The following ASIC2 variants were observed in gnomAD, a reference collection of about 807,000 sequenced individuals.
The protein encoded by ASIC2 is acid-sensing ion channel 2.
A neutral mutation model predicts 57.3 loss-of-function variants in ASIC2; 25 were observed. The ratio of observed to expected loss-of-function variants is 0.44; its 90% CI spans 0.32 to 0.61. ASIC2 has a LOEUF of 0.61. Among genes scored for constraint, ASIC2 ranks in the 20% least tolerant of loss-of-function variants. The pLI, the probability that ASIC2 is intolerant of heterozygous loss-of-function variation, is 0.06. For synonymous variants in ASIC2, 319 were observed against 307.5 expected (o/e 1.04, Z -0.39); for missense variants, 641 against 738.1 (o/e 0.87, Z 1.52).
intron 1 of ASIC2, among the ~76,000 whole-genome samples, chr17:33,438,848 C>CTT (rs55935165): frequency 6.9e-5 from 9 of 130,410 alleles, no homozygotes; most frequent in East Asian, 2.3e-4. Context: ...GCAGGGGAAC[C>CTT]TTTTTTTTTT....
At chr17:33,856,249 G>A (rs1011465248) in intron 1 of ASIC2, among the ~76,000 whole-genome samples, 1 of 152,162 alleles carries the variant, frequency 6.6e-6, no homozygotes, top group Non-Finnish European at 1.5e-5. Context: ...ATAGGAAAAA[G>A]CATCAATATC....
At chr17:33,276,614 C>T (rs536502723) in intron 1 of ASIC2, among the ~76,000 whole-genome samples, 6 of 152,356 alleles carry the variant, frequency 3.9e-5, no homozygotes, top group East Asian at 1.9e-4. Flanking sequence ...CTCGCAGGAA[C>T]TAACTCCTTT....
chr17:33,865,949 T>C (rs1461343900), intron 1 of ASIC2, among the ~76,000 whole-genome samples: 1 of 152,126 alleles, frequency 6.6e-6, no homozygotes, highest in Non-Finnish European at 1.5e-5. Flanking sequence ...GTAACTATTC[T>C]CTTGATGTCA....
At chr17:33,583,779 C>G in intron 1 of ASIC2, among the ~76,000 whole-genome samples, 1 of 152,192 alleles carries the variant, frequency 6.6e-6, no homozygotes, top group East Asian at 1.9e-4. Context: ...GCTTGTGAAG[C>G]CCCAGGTAAA....
rs150462873 is a variant in ASIC2 at position 33,997,120 on chromosome 17, T to C, written c.555+158858A>G. Among the ~76,000 whole-genome samples, 891 of 152,026 alleles carry C rather than the reference T, an allele frequency of 5.9e-3. 5 individuals carry two copies. Among genetic ancestry groups the C allele is most frequent in the South Asian group, 0.016 (79 of 4,824 alleles). Reference sequence around the variant, plus strand: ...GTTATGCTATTGTAAATGGTATTGTTTCCTAAATTTATTTATTTATTTTTA... The same window carrying C: ...GTTATGCTATTGTAAATGGTATTGTCTCCTAAATTTATTTATTTATTTTTA... On this transcript the variant is annotated intron_variant, in intron 1 of 9. Coordinates refer to the ASIC2 transcript ENST00000359872.
chr17:34,039,207 G>C, intron 1 of ASIC2: 2 of 1,613,898 alleles, frequency 1.2e-6, no homozygotes, highest in Admixed American at 1.7e-5. Flanking sequence ...AATTCTTACT[G>C]TTTTCTAGTG....
At chr17:33,471,031 T>C (rs533543619) in intron 1 of ASIC2, among the ~76,000 whole-genome samples, 1 of 152,308 alleles carries the variant, frequency 6.6e-6, no homozygotes, top group South Asian at 2.1e-4. Flanking sequence ...TCAGCAAAGA[T>C]ACGGTTTGGT....
At chr17:33,109,978 A>G (rs1201658890) in intron 2 of ASIC2, among the ~76,000 whole-genome samples, 1 of 152,124 alleles carries the variant, frequency 6.6e-6, no homozygotes, top group Non-Finnish European at 1.5e-5. Flanking sequence ...CCAAGGCCAT[A>G]TCCCACAGGG....
At chr17:33,358,854 A>C (rs545831610) in intron 1 of ASIC2, among the ~76,000 whole-genome samples, 1 of 152,338 alleles carries the variant, frequency 6.6e-6, no homozygotes, top group South Asian at 2.1e-4. Context: ...GAATGATGTG[A>C]ACCAGTAGAA....
At chr17:33,731,623 C>T (rs867838152) in intron 1 of ASIC2, among the ~76,000 whole-genome samples, 4 of 152,200 alleles carry the variant, frequency 2.6e-5, no homozygotes, top group Non-Finnish European at 5.9e-5. Flanking sequence ...AAATGAAACA[C>T]TAAACCCCCT....
At chr17:34,154,894 C>A (rs1904654988) in intron 1 of ASIC2, among the ~76,000 whole-genome samples, 1 of 152,112 alleles carries the variant, frequency 6.6e-6, no homozygotes, top group Non-Finnish European at 1.5e-5. Context: ...ACGTGCCTGG[C>A]AGCAAACAGT....
chr17:33,334,596 A>G (rs1347943170), intron 1 of ASIC2, among the ~76,000 whole-genome samples: 1 of 152,208 alleles, frequency 6.6e-6, no homozygotes, highest in African/African-American at 2.4e-5. Context: ...GTTTAACCAA[A>G]GAGGGCATTC....
intron 1 of ASIC2, among the ~76,000 whole-genome samples, chr17:33,207,107 A>G (rs1389294260): frequency 6.6e-6 from 1 of 152,206 alleles, no homozygotes; most frequent in Non-Finnish European, 1.5e-5. Context: ...AGCATTAACT[A>G]TATGCCAGGC....
intron 1 of ASIC2, among the ~76,000 whole-genome samples, chr17:33,146,202 G>A (rs560499489): frequency 6.6e-6 from 1 of 152,278 alleles, no homozygotes; most frequent in East Asian, 1.9e-4. Context: ...AATGAGGAAA[G>A]GGGGAAAAGC....
intron 1 of ASIC2, among the ~76,000 whole-genome samples, chr17:33,570,974 G>C (rs1352117424): frequency 6.6e-6 from 1 of 152,162 alleles, no homozygotes; most frequent in Non-Finnish European, 1.5e-5. Context: ...CAAGTCACAA[G>C]GCCAGCCCAG....
intron 1 of ASIC2, among the ~76,000 whole-genome samples, chr17:33,885,744 G>A (rs1367235941): frequency 6.6e-6 from 1 of 152,164 alleles, no homozygotes; most frequent in Non-Finnish European, 1.5e-5. Flanking sequence ...TAATTCAAAT[G>A]CTCCTTCCTC....
chr17:33,705,735 G>C (rs1198484001), intron 1 of ASIC2, among the ~76,000 whole-genome samples: 1 of 152,136 alleles, frequency 6.6e-6, no homozygotes. Context: ...CTTGGTTTTG[G>C]CTCATTGAAA....
At chr17:33,085,925 TC>T (rs1396384617) in intron 3 of ASIC2, among the ~76,000 whole-genome samples, 1 of 152,208 alleles carries the variant, frequency 6.6e-6, no homozygotes, top group Non-Finnish European at 1.5e-5. Context: ...TTAACAAATA[TC>T]TTATTAGTTA....
chr17:33,146,299 T>G (rs1567762299), intron 1 of ASIC2, among the ~76,000 whole-genome samples: 3 of 152,166 alleles, frequency 2.0e-5, no homozygotes, highest in African/African-American at 4.8e-5. Flanking sequence ...GGAAAGCATC[T>G]TCTCTCATTC....
Sources: gnomAD v4.1 joint callset for allele counts (sites outside exome capture counted in the v4.1 genomes callset) on GRCh38, gnomAD v4.1.1 for gene constraint, MANE v1.5 for transcripts, NCBI Gene and HGNC (gene_info 2026-07-23, HGNC 2026-07-21) for gene names.